LPP: variants seen among roughly 807,000 people sequenced by gnomAD.
LPP encodes the protein lipoma-preferred partner.
LPP carries 38 observed loss-of-function variants against 60.4 expected under a neutral mutation model. The observed-to-expected ratio is 0.63, with a 90% CI of 0.49 to 0.83. The LOEUF (loss-of-function observed/expected upper bound fraction) is 0.83. Ranked by LOEUF, LPP falls within the 40% of genes least tolerant of loss-of-function variation. The probability of loss-of-function intolerance (pLI) is 0.00; values close to 1 mark genes in which losing one functional copy is unlikely to be tolerated. For missense variants in LPP, 902 were observed against 783.6 expected (o/e 1.15, Z -1.80); for synonymous variants, 328 against 290.8 (o/e 1.13, Z -1.30).
chr3:188,439,601 ACTT>A (rs768418860), intron 4 of LPP, among the ~76,000 whole-genome samples: 10 of 152,310 alleles, frequency 6.6e-5, no homozygotes, highest in Non-Finnish European at 1.2e-4. Flanking sequence ...TGGAGTCTAT[ACTT>A]CTTTTATACC....
chr3:188,373,940 C>T (rs1237687573), intron 3 of LPP, among the ~76,000 whole-genome samples: 1 of 152,100 alleles, frequency 6.6e-6, no homozygotes. Context: ...GGCCAGTTTC[C>T]CCAGCACCAT....
intron 9 of LPP, among the ~76,000 whole-genome samples, chr3:188,811,582 C>T (rs1024025512): frequency 6.6e-6 from 1 of 151,970 alleles, no homozygotes; most frequent in East Asian, 1.9e-4. Flanking sequence ...CTGGGGATAT[C>T]CAGGTCTTTT....
At chr3:188,577,074 G>A (rs948602963) in intron 6 of LPP, among the ~76,000 whole-genome samples, 1 of 152,114 alleles carries the variant, frequency 6.6e-6, no homozygotes, top group African/African-American at 2.4e-5. Context: ...TTTGGAAGTG[G>A]CAAAGTGGCA....
At chr3:188,704,863 G>A (rs369317970) in intron 7 of LPP, among the ~76,000 whole-genome samples, 4 of 151,954 alleles carry the variant, frequency 2.6e-5, no homozygotes, top group East Asian at 3.9e-4. Flanking sequence ...CTAGCTCACC[G>A]AGAAGCCCTA....
At chr3:188,357,069 A>C (rs962074588) in intron 3 of LPP, among the ~76,000 whole-genome samples, 7 of 152,186 alleles carry the variant, frequency 4.6e-5, no homozygotes, top group African/African-American at 1.4e-4. Context: ...TTCTCTTCGC[A>C]TGGCCTATGT....
chr3:188,776,897 A>T (rs1007439340), intron 9 of LPP, among the ~76,000 whole-genome samples: 13 of 152,146 alleles, frequency 8.5e-5, no homozygotes, highest in African/African-American at 3.1e-4. Context: ...ATCACATAAC[A>T]GTCAGTTTAT....
intron 8 of LPP, chr3:188,711,326 C>T (rs1328282543): frequency 1.3e-5 from 2 of 151,964 alleles, no homozygotes; most frequent in Admixed American, 6.6e-5. Flanking sequence ...AAAACATAAC[C>T]CTGTGAAATA....
intron 9 of LPP, among the ~76,000 whole-genome samples, chr3:188,777,531 A>G (rs979515065): frequency 6.6e-6 from 1 of 152,182 alleles, no homozygotes; most frequent in African/African-American, 2.4e-5. Flanking sequence ...GGGTCTATGC[A>G]CTGTCTTTGG....
At chr3:188,598,573 T>C (rs11711393) in intron 6 of LPP, among the ~76,000 whole-genome samples, 43,666 of 152,056 alleles carry the variant, frequency 0.29, 6,705 homozygotes, top group Non-Finnish European at 0.33. Context: ...AAAATATCTG[T>C]TAACCTTGAA....
At chr3:188,487,043 A>T (rs1806749335) in intron 5 of LPP, among the ~76,000 whole-genome samples, 1 of 152,204 alleles carries the variant, frequency 6.6e-6, no homozygotes, top group African/African-American at 2.4e-5. Flanking sequence ...TGTCATAGAA[A>T]CTATTTTGTT....
At chr3:188,366,246 C>A (rs991921121) in intron 3 of LPP, among the ~76,000 whole-genome samples, 1 of 152,210 alleles carries the variant, frequency 6.6e-6, no homozygotes, top group African/African-American at 2.4e-5. Context: ...TAACATTCCA[C>A]GTGGTAATAC....
At chr3:188,527,132 A>T (rs762842701) in intron 6 of LPP, among the ~76,000 whole-genome samples, 34 of 152,056 alleles carry the variant, frequency 2.2e-4, no homozygotes, top group Non-Finnish European at 4.3e-4. Flanking sequence ...GAAGGCTTGG[A>T]GTAGAATATA....
intron 7 of LPP, among the ~76,000 whole-genome samples, chr3:188,681,440 C>G (rs186599246): frequency 6.6e-6 from 1 of 152,142 alleles, no homozygotes; most frequent in African/African-American, 2.4e-5. Context: ...AGAGCCTTTC[C>G]CTCCAAAATG....
intron 2 of LPP, among the ~76,000 whole-genome samples, chr3:188,338,445 T>C (rs767610213): frequency 5.9e-5 from 9 of 152,256 alleles, no homozygotes; most frequent in Non-Finnish European, 1.3e-4. Context: ...GTAATCCTTT[T>C]ACTACTACCT....
rs371999395 is a variant in LPP at position 188,881,255 on chromosome 3, C to G, written c.*6776C>G. 20 of 186,584 alleles carry G rather than the reference C, an allele frequency of 1.1e-4. No homozygotes were observed. The East Asian group carries it at 1.7e-3, about 16-fold the overall frequency. The allele number at this position is 186,584 out of a possible 1,614,324, so 11.6% of individuals were successfully genotyped here. A position where few individuals can be genotyped will look rare whatever the true frequency, so the allele number is the denominator to read the frequency against. The stretch of plus-strand genomic sequence containing the variant: ...CTTAGTCCTGGCCAGTATGTAGTTG[C>G]GCTCACATACGTCTATTCTAGCTCT... On this transcript the variant is annotated 3_prime_UTR_variant, in exon 12 of 12. Coordinates refer to ENST00000617246, the MANE Select transcript of LPP (RefSeq NM_001375462.1).
chr3:188,439,905 A>G (rs746464251), intron 4 of LPP, among the ~76,000 whole-genome samples: 1 of 152,232 alleles, frequency 6.6e-6, no homozygotes, highest in African/African-American at 2.4e-5. Context: ...AAAGTTGTGC[A>G]GGATAGGATT....
intron 7 of LPP, among the ~76,000 whole-genome samples, chr3:188,614,373 G>A (rs996668666): frequency 6.6e-6 from 1 of 152,196 alleles, no homozygotes; most frequent in Admixed American, 6.5e-5. Flanking sequence ...TGGAAGAGAT[G>A]ATTAGGGTGG....
intron 9 of LPP, among the ~76,000 whole-genome samples, chr3:188,801,610 T>C (rs1278303873): frequency 6.6e-6 from 1 of 152,202 alleles, no homozygotes; most frequent in East Asian, 1.9e-4. Flanking sequence ...AAATAGCGAA[T>C]CTATGTAGAC....
chr3:188,625,316 T>C (rs991636571), intron 7 of LPP, among the ~76,000 whole-genome samples: 1 of 152,196 alleles, frequency 6.6e-6, no homozygotes, highest in Non-Finnish European at 1.5e-5. Flanking sequence ...CCTCACAGTA[T>C]AATTAGGACT....
Sources: allele counts gnomAD v4.1 joint callset (sites outside exome capture counted in the v4.1 genomes callset), GRCh38; gene constraint gnomAD v4.1.1; transcripts MANE v1.5; gene names NCBI Gene and HGNC (gene_info 2026-07-23, HGNC 2026-07-21).